The following SFMBT2 variants were observed in gnomAD, a reference collection of about 807,000 sequenced individuals.
SFMBT2 encodes Scm like with four mbt domains 2, also known as scm-like with four MBT domains protein 2.
Under a neutral mutation model 110.1 loss-of-function variants are expected in SFMBT2, and 38 were observed. The observed-to-expected ratio is 0.35, with a 90% CI of 0.27 to 0.45. The LOEUF is 0.45. Ranked by LOEUF, SFMBT2 falls within the 20% of genes least tolerant of loss-of-function variation. The probability of loss-of-function intolerance (pLI) is 1.00; values close to 1 mark genes in which losing one functional copy is unlikely to be tolerated. For missense variants in SFMBT2, 1,011 were observed against 1,094.9 expected (o/e 0.92, Z 1.08); for synonymous variants, 425 against 425.4 (o/e 1.00, Z 0.01).
intron 2 of SFMBT2, among the ~76,000 whole-genome samples, chr10:7,372,666 C>T (rs1424230157): frequency 6.6e-6 from 1 of 152,210 alleles, no homozygotes; most frequent in Non-Finnish European, 1.5e-5. Flanking sequence ...CAGGGTGGTA[C>T]CTGATGGCTC....
chr10:7,313,057 G>A (rs1026875439), intron 4 of SFMBT2, among the ~76,000 whole-genome samples: 1 of 152,104 alleles, frequency 6.6e-6, no homozygotes, highest in East Asian at 1.9e-4. Flanking sequence ...TCCCAGCAGC[G>A]TTATCCTCAT....
chr10:7,237,065 C>T (rs1840280382), intron 9 of SFMBT2, among the ~76,000 whole-genome samples: 1 of 152,168 alleles, frequency 6.6e-6, no homozygotes, highest in Admixed American at 6.5e-5. Context: ...CCTGGGAATA[C>T]CGCAAAACAG....
chr10:7,270,271 C>T (rs1207078128), intron 7 of SFMBT2, among the ~76,000 whole-genome samples: 1 of 152,216 alleles, frequency 6.6e-6, no homozygotes, highest in Non-Finnish European at 1.5e-5. Flanking sequence ...GGGCCGCCCT[C>T]TGCTTCCACC....
intron 2 of SFMBT2, among the ~76,000 whole-genome samples, chr10:7,378,341 T>G (rs1845319994): frequency 9.3e-6 from 1 of 107,924 alleles, no homozygotes; most frequent in East Asian, 2.5e-4. Flanking sequence ...TGTGGGTGTG[T>G]GTGGGTGTAT....
chr10:7,341,938 A>C (rs1245032389), intron 4 of SFMBT2, among the ~76,000 whole-genome samples: 1 of 152,224 alleles, frequency 6.6e-6, no homozygotes, highest in African/African-American at 2.4e-5. Context: ...TTCTTTTAGC[A>C]AAAGGAAAGG....
At chr10:7,312,507 C>T (rs1010059565) in intron 4 of SFMBT2, among the ~76,000 whole-genome samples, 6 of 152,168 alleles carry the variant, frequency 3.9e-5, no homozygotes, top group Admixed American at 2.0e-4. Context: ...AAGAGAATGA[C>T]GAGAATCCAG....
rs1305046312 is a variant in SFMBT2 at position 7,277,839 on chromosome 10, C to T, written c.773-850G>A. On this transcript the variant is annotated intron_variant, in intron 6 of 20. Transcript: ENST00000397167. The stretch of plus-strand genomic sequence containing the variant: ...CTTAGGATATGAATATGAAATTAAG[C>T]ACAGTTAAAAAGCAACAGTAAACCT... 1.3e-5 allele frequency among the ~76,000 whole-genome samples: 2 copies of T among 152,184 alleles called. 1 individual carries two copies. Among genetic ancestry groups the T allele is most frequent in the East Asian group, 3.8e-4 (2 of 5,196 alleles).
At chr10:7,204,965 C>T (rs1007260163) in intron 12 of SFMBT2, 69 of 982,632 alleles carry the variant, frequency 7.0e-5, no homozygotes, top group Non-Finnish European at 7.4e-5. Context: ...GCTGGGTTAA[C>T]TGTTAATATT....
At chr10:7,334,382 C>T (rs1843654250) in intron 4 of SFMBT2, among the ~76,000 whole-genome samples, 1 of 152,154 alleles carries the variant, frequency 6.6e-6, no homozygotes. Flanking sequence ...AAGAGGCTGC[C>T]TCTTCATCAG....
At chr10:7,324,456 T>C (rs1334802278) in intron 4 of SFMBT2, among the ~76,000 whole-genome samples, 2 of 151,944 alleles carry the variant, frequency 1.3e-5, no homozygotes, top group African/African-American at 4.8e-5. Flanking sequence ...GCAGGGGAGC[T>C]CCAAAAACCA....
chr10:7,200,963 T>C lies in SFMBT2; in HGVS notation c.1488-479A>G, dbSNP rs145254121. The C allele has an allele frequency of 1.4e-4, 73 of 537,370 alleles. 1 individual carries two copies. In the African/African-American group the frequency reaches 1.4e-3, roughly 10 times the overall value. 33.3% of individuals were successfully genotyped at this position (537,370 alleles called of 1,614,324 possible). A position where few individuals can be genotyped will look rare whatever the true frequency, so the allele number is the denominator to read the frequency against. ...AAAAATAAGGCCTTAAAAGAAAATC[T>C]ATAAACTGGCATATCTTAAAATGTA... On this transcript the variant is annotated intron_variant, in intron 13 of 20. Transcript: ENST00000397167.
intron 9 of SFMBT2, among the ~76,000 whole-genome samples, chr10:7,230,226 C>T (rs1366962926): frequency 6.6e-6 from 1 of 152,106 alleles, no homozygotes; most frequent in Non-Finnish European, 1.5e-5. Flanking sequence ...TCGAGTTCTT[C>T]CACCTGCCCT....
intron 4 of SFMBT2, among the ~76,000 whole-genome samples, chr10:7,324,889 C>CCCTTCTTTTA (rs1029299869): frequency 9.3e-5 from 14 of 150,778 alleles, no homozygotes; most frequent in African/African-American, 3.4e-4. Flanking sequence ...CTTTTAAGGA[C>CCCTTCTTTTA]AGTAATCCTA....
chr10:7,376,045 T>C (rs1456057061), intron 2 of SFMBT2, among the ~76,000 whole-genome samples: 2 of 152,176 alleles, frequency 1.3e-5, no homozygotes, highest in Admixed American at 1.3e-4. Context: ...GCTCACCCTG[T>C]CTAAATGTGC....
At chr10:7,379,157 A>G (rs1845354892) in intron 2 of SFMBT2, among the ~76,000 whole-genome samples, 1 of 152,126 alleles carries the variant, frequency 6.6e-6, no homozygotes, top group South Asian at 2.1e-4. Context: ...TATCATCGCG[A>G]GTCAGTTCAG....
intron 5 of SFMBT2, chr10:7,285,494 G>C (rs1286641464): frequency 5.9e-6 from 1 of 168,528 alleles, no homozygotes; most frequent in Non-Finnish European, 1.3e-5. Context: ...GACTATATTA[G>C]CACATACATG....
chr10:7,387,547 G>A (rs990024820), intron 1 of SFMBT2, among the ~76,000 whole-genome samples: 6 of 151,994 alleles, frequency 3.9e-5, no homozygotes, highest in Admixed American at 2.6e-4. Flanking sequence ...ATAGGAAGGC[G>A]AGCTTGGGTG....
At chr10:7,315,120 AAGCAAGCC>A (rs1448365303) in intron 4 of SFMBT2, among the ~76,000 whole-genome samples, 94 of 144,850 alleles carry the variant, frequency 6.5e-4, no homozygotes, top group African/African-American at 2.2e-3. Flanking sequence ...AAAAGCAAGC[AAGCAAGCC>A]AGCCAATCCG....
chr10:7,339,193 T>C (rs1434847194), intron 4 of SFMBT2, among the ~76,000 whole-genome samples: 1 of 152,070 alleles, frequency 6.6e-6, no homozygotes, highest in Non-Finnish European at 1.5e-5. Flanking sequence ...TGAGCAGAGA[T>C]CACGCCACTG....
Sources: gnomAD v4.1 joint callset for allele counts (sites outside exome capture counted in the v4.1 genomes callset) on GRCh38, gnomAD v4.1.1 for gene constraint, MANE v1.5 for transcripts, NCBI Gene and HGNC (gene_info 2026-07-23, HGNC 2026-07-21) for gene names.